KLF3: variants seen among roughly 807,000 people sequenced by gnomAD.
KLF3 encodes the protein KLF transcription factor 3.
Under a neutral mutation model 32.7 loss-of-function variants are expected in KLF3, and 6 were observed. The ratio of observed to expected loss-of-function variants is 0.18; its 90% CI spans 0.10 to 0.36. The LOEUF is 0.36. Among genes scored for constraint, KLF3 ranks in the 10% least tolerant of loss-of-function variants. KLF3 has a pLI of 1.00. For synonymous variants in KLF3, 145 were observed against 172.8 expected (o/e 0.84, Z 1.26); for missense variants, 338 against 449.7 (o/e 0.75, Z 2.25).
At chr4:38,666,640 A>G (rs1490171782) in intron 1 of KLF3, among the ~76,000 whole-genome samples, 32 of 152,248 alleles carry the variant, frequency 2.1e-4, no homozygotes, top group Admixed American at 2.1e-3. Context: ...ACAGAATCAC[A>G]TTCTTAAAAG....
At chr4:38,665,492 G>A (rs1018504283) in intron 1 of KLF3, among the ~76,000 whole-genome samples, 2 of 152,200 alleles carry the variant, frequency 1.3e-5, no homozygotes, top group African/African-American at 4.8e-5. Context: ...AATACTAGAA[G>A]AATGTGAATG....
At position 38,697,474 on chromosome 4, in the gene KLF3, A is replaced by C; in HGVS notation, c.*211A>C. ...CCTTACCACGGGTCAGACCTAAAGA[A>C]TGTGAACACTTTTTTTTTTTTTTCT... On this transcript the variant is annotated 3_prime_UTR_variant, in exon 6 of 6. Transcript: ENST00000261438. 1 of 426,680 alleles carries C rather than the reference A, an allele frequency of 2.3e-6. No individual in the cohort carries two copies. Among genetic ancestry groups the C allele is most frequent in the Non-Finnish European group, 4.1e-6 (1 of 243,528 alleles). 26.4% of individuals were successfully genotyped at this position (426,680 alleles called of 1,614,324 possible).
chr4:38,679,692 G>A (rs1016844691), intron 1 of KLF3, among the ~76,000 whole-genome samples: 2 of 152,064 alleles, frequency 1.3e-5, no homozygotes, highest in African/African-American at 4.8e-5. Context: ...GGGATTTGAT[G>A]GTGCAGAACC....
intron 1 of KLF3, among the ~76,000 whole-genome samples, chr4:38,676,485 A>C (rs913311951): frequency 1.3e-5 from 2 of 152,162 alleles, no homozygotes; most frequent in Admixed American, 1.3e-4. Flanking sequence ...AATAGAACAC[A>C]GATGTGTAGA....
chr4:38,699,677 AGCTT>A lies in KLF3; in HGVS notation c.*2419_*2422del, dbSNP rs1723147922. 6.6e-6 allele frequency: 1 copy of A among 152,266 alleles called. No individual in the cohort carries two copies. The highest frequency in any genetic ancestry group is 2.4e-5 in the African/African-American group (1 of 41,476). 9.4% of individuals were successfully genotyped at this position (152,266 alleles called of 1,614,324 possible). On this transcript the variant is annotated 3_prime_UTR_variant, in exon 6 of 6. Coordinates refer to ENST00000261438, the MANE Select transcript of KLF3 (RefSeq NM_016531.6). ...GCAAAGACTCTTAACATTACTGTTC[AGCTT>A]GCTTAGATTGTGTTAACAGTTCATT... is the stretch of plus-strand genomic sequence containing the variant.
intron 4 of KLF3, among the ~76,000 whole-genome samples, chr4:38,691,507 G>C (rs552158470): frequency 6.6e-6 from 1 of 152,314 alleles, no homozygotes; most frequent in East Asian, 1.9e-4. Context: ...GGAGGGATCC[G>C]TTGACTGGAC....
chr4:38,678,876 C>T (rs1722433314), intron 1 of KLF3, among the ~76,000 whole-genome samples: 1 of 152,216 alleles, frequency 6.6e-6, no homozygotes, highest in Admixed American at 6.5e-5. Flanking sequence ...GCACTGAGCA[C>T]TTAAACCAAA....
At chr4:38,684,135 T>C (rs1722618405) in intron 2 of KLF3, among the ~76,000 whole-genome samples, 2 of 152,340 alleles carry the variant, frequency 1.3e-5, no homozygotes, top group African/African-American at 4.8e-5. Flanking sequence ...AACTGTCTTA[T>C]AATGGAAAGC....
intron 1 of KLF3, among the ~76,000 whole-genome samples, chr4:38,667,654 T>A (rs1560412173): frequency 1.3e-5 from 2 of 152,246 alleles, no homozygotes; most frequent in South Asian, 4.1e-4. Flanking sequence ...TTGAAGTGGT[T>A]AGGGCGTTTG....
Position 38,697,416 on chromosome 4 carries a change from G to A in KLF3, c.*153G>A. The A allele has an allele frequency of 3.0e-6, 2 of 663,318 alleles. No individual in the cohort carries two copies. The highest frequency in any genetic ancestry group is 2.4e-5 in the South Asian group (1 of 41,356). The allele number at this position is 663,318 out of a possible 1,614,324, so 41.1% of individuals were successfully genotyped here. A position where few individuals can be genotyped will look rare whatever the true frequency, so the allele number is the denominator to read the frequency against. On this transcript the variant is annotated 3_prime_UTR_variant, in exon 6 of 6. Transcript: ENST00000261438. Reference sequence around the variant, plus strand: ...TTTATATCATCCAAAACTTCCATATGGTCAGTAGTAGATGTTCTCTAATCC... The same window carrying A: ...TTTATATCATCCAAAACTTCCATATAGTCAGTAGTAGATGTTCTCTAATCC...
At chr4:38,667,223 T>G (rs531237496) in intron 1 of KLF3, among the ~76,000 whole-genome samples, 1 of 152,298 alleles carries the variant, frequency 6.6e-6, no homozygotes, top group African/African-American at 2.4e-5. Context: ...GCTAAATGTT[T>G]CTCTGTGCTT....
intron 1 of KLF3, among the ~76,000 whole-genome samples, chr4:38,665,047 C>T (rs984859642): frequency 6.6e-6 from 1 of 151,186 alleles, no homozygotes; most frequent in Admixed American, 6.6e-5. Context: ...TCGCCCGCCA[C>T]AGCAAACTTG....
intron 1 of KLF3, among the ~76,000 whole-genome samples, chr4:38,668,310 T>A (rs749388959): frequency 1.9e-4 from 29 of 152,064 alleles, no homozygotes; most frequent in Non-Finnish European, 3.8e-4. Flanking sequence ...TGGAAAGTGC[T>A]TTTGTAAACT....
At chr4:38,696,462 C>G (rs1006208000) in intron 5 of KLF3, among the ~76,000 whole-genome samples, 1 of 152,122 alleles carries the variant, frequency 6.6e-6, no homozygotes, top group South Asian at 2.1e-4. Context: ...GCTTTTGTTC[C>G]TCATCTGTAA....
chr4:38,666,870 C>G (rs560045004), intron 1 of KLF3, among the ~76,000 whole-genome samples: 1 of 152,152 alleles, frequency 6.6e-6, no homozygotes, highest in East Asian at 1.9e-4. Context: ...CAGCAGTGCT[C>G]TATCTTTTTT....
intron 1 of KLF3, among the ~76,000 whole-genome samples, chr4:38,676,269 C>T (rs1722346716): frequency 6.6e-6 from 1 of 151,964 alleles, no homozygotes; most frequent in Non-Finnish European, 1.5e-5. Context: ...GGTGAAACCC[C>T]GTCTCTACTA....
chr4:38,670,836 C>T (rs1288528158), intron 1 of KLF3, among the ~76,000 whole-genome samples: 1 of 152,276 alleles, frequency 6.6e-6, no homozygotes, highest in Non-Finnish European at 1.5e-5. Flanking sequence ...TGTAGTTTGA[C>T]ATCCATTCAT....
rs1013209895 is a variant in KLF3 at position 38,675,842 on chromosome 4, A to C, written c.-39-4745A>C. Among the ~76,000 whole-genome samples, 55 of 152,226 alleles carry C rather than the reference A, an allele frequency of 3.6e-4. 1 individual carries two copies. The highest frequency in any genetic ancestry group is 1.6e-4 in the Non-Finnish European group (11 of 68,032). ...TGCACTGAGCCGCCCATGGGTACCA[A>C]AGACTGCCAAGTTTAGGGACCCTAA... is the stretch of plus-strand genomic sequence containing the variant. On this transcript the variant is annotated intron_variant, in intron 1 of 5. Coordinates refer to ENST00000261438, the MANE Select transcript of KLF3 (RefSeq NM_016531.6).
At chr4:38,686,714 A>C (rs1015685047) in intron 2 of KLF3, among the ~76,000 whole-genome samples, 1 of 152,140 alleles carries the variant, frequency 6.6e-6, no homozygotes, top group African/African-American at 2.4e-5. Flanking sequence ...ACAAGAAGGG[A>C]TTTCCAGGAT....
Sources: allele counts gnomAD v4.1 joint callset (sites outside exome capture counted in the v4.1 genomes callset), GRCh38; gene constraint gnomAD v4.1.1; transcripts MANE v1.5; gene names NCBI Gene and HGNC (gene_info 2026-07-23, HGNC 2026-07-21).